TOM1L1: variants seen among roughly 807,000 people sequenced by gnomAD.
TOM1L1 encodes target of myb1 like 1 membrane trafficking protein.
A neutral mutation model predicts 63.4 loss-of-function variants in TOM1L1; 64 were observed. The ratio of observed to expected loss-of-function variants is 1.01; its 90% CI spans 0.83 to 1.24. The LOEUF (loss-of-function observed/expected upper bound fraction) is 1.24. Ranked by LOEUF, TOM1L1 falls within the 50% of genes most tolerant of loss-of-function variation. The pLI is 0.00. For missense variants in TOM1L1, 536 were observed against 567.0 expected (o/e 0.95, Z 0.55); for synonymous variants, 166 against 194.4 (o/e 0.85, Z 1.22).
intron 7 of TOM1L1, among the ~76,000 whole-genome samples, chr17:54,917,664 C>T (rs1283318401): frequency 6.6e-6 from 1 of 151,990 alleles, no homozygotes; most frequent in East Asian, 1.9e-4. Context: ...TTTGCATTCT[C>T]CAGTGTTCAG....
intron 1 of TOM1L1, among the ~76,000 whole-genome samples, chr17:54,902,200 C>T (rs772051103): frequency 3.9e-5 from 6 of 152,276 alleles, no homozygotes; most frequent in South Asian, 4.1e-4. Flanking sequence ...ATGAATTCTG[C>T]GTGGCTTTTG....
intron 8 of TOM1L1, among the ~76,000 whole-genome samples, chr17:54,931,887 C>T (rs559264889): frequency 1.3e-5 from 2 of 152,048 alleles, no homozygotes; most frequent in South Asian, 2.1e-4. Flanking sequence ...AGAAGGGCAT[C>T]GACTGAAGAT....
At chr17:54,930,982 G>GT (rs1191090924) in intron 8 of TOM1L1, among the ~76,000 whole-genome samples, 6 of 152,224 alleles carry the variant, frequency 3.9e-5, no homozygotes, top group Non-Finnish European at 7.4e-5. Flanking sequence ...TGAGGCTGTG[G>GT]TGAGCTATGA....
chr17:54,961,136 G>A, intron 15 of TOM1L1, 99 bp from the exon 16 acceptor site: 1 of 849,208 alleles, frequency 1.2e-6, no homozygotes, highest in East Asian at 2.6e-5. Flanking sequence ...CTACTAGACT[G>A]TGACTCTCCA....
At chr17:54,901,245 G>T in intron 1 of TOM1L1, 1 of 414,040 alleles carries the variant, frequency 2.4e-6, no homozygotes, top group Non-Finnish European at 4.4e-6. Context: ...GAAACTTCTC[G>T]GTAGGGGAAG....
At chr17:54,936,967 C>A in intron 9 of TOM1L1, 142 bp from the exon 10 acceptor site, 1 of 742,566 alleles carries the variant, frequency 1.3e-6, no homozygotes, top group Non-Finnish European at 2.3e-6. Context: ...AGATGGGATT[C>A]ATACTAATGT....
chr17:54,958,846 T>C (rs1052376080), intron 14 of TOM1L1, among the ~76,000 whole-genome samples: 1 of 150,792 alleles, frequency 6.6e-6, no homozygotes. Context: ...TGGGAGATGC[T>C]GGAGAATCTG....
intron 14 of TOM1L1, chr17:54,956,957 T>G (rs1265647106): frequency 6.6e-6 from 1 of 152,156 alleles, no homozygotes; most frequent in Non-Finnish European, 1.5e-5. Flanking sequence ...AGCTATAGCA[T>G]CTCCCAGGGT....
intron 3 of TOM1L1, among the ~76,000 whole-genome samples, chr17:54,907,687 GATGTGTAGATGTACCCTCAAATATAGT>G (rs2048434440): frequency 6.6e-6 from 1 of 152,158 alleles, no homozygotes; most frequent in African/African-American, 2.4e-5. Context: ...GGAGTAGAAA[GATGTGTAGATGTACCCTCAAATATAGT>G]ATATCTGGGA....
chr17:54,949,760 A>G, intron 13 of TOM1L1, 137 bp downstream of exon 13: 1 of 760,690 alleles, frequency 1.3e-6, no homozygotes, highest in Non-Finnish European at 2.2e-6. Flanking sequence ...AAACAAATTC[A>G]GGGCAGATAC....
At chr17:54,938,831 C>CTTTTTTTTTTTTTTTTTTT in intron 10 of TOM1L1, 93 bp from the exon 11 acceptor site, 1 of 577,538 alleles carries the variant, frequency 1.7e-6, no homozygotes. Context: ...TTTTCTTTTT[C>CTTTTTTTTTTTTTTTTTTT]TTTTTTCTTT....
At position 54,904,548 on chromosome 17, in the gene TOM1L1, T is replaced by C. The variant is rs73992839; in HGVS notation, c.143+756T>C. Among the ~76,000 whole-genome samples the C allele has an allele frequency of 8.4e-3, 1,279 of 152,328 alleles. 15 individuals carry two copies. The highest frequency in any genetic ancestry group is 0.029 in the African/African-American group (1,201 of 41,574). ...TAGTAACCAGGAAACAATCTAGCAG[T>C]CTTTTTTCCTCCCTGTCCCAGGACA... On this transcript the variant is annotated intron_variant, in intron 2 of 15. Coordinates refer to ENST00000575882, the MANE Select transcript of TOM1L1 (RefSeq NM_005486.3).
intron 14 of TOM1L1, among the ~76,000 whole-genome samples, chr17:54,959,025 GAA>G (rs2077037216): frequency 6.6e-6 from 1 of 152,152 alleles, no homozygotes; most frequent in Non-Finnish European, 1.5e-5. Context: ...GGAAAATGAG[GAA>G]GTTTCCATAT....
intron 3 of TOM1L1, among the ~76,000 whole-genome samples, chr17:54,905,832 G>T (rs531427048): frequency 6.6e-6 from 1 of 152,238 alleles, no homozygotes; most frequent in South Asian, 2.1e-4. Context: ...CAGGAGATAG[G>T]AATTAGTGGT....
At chr17:54,948,768 A>G (rs995022623) in intron 12 of TOM1L1, among the ~76,000 whole-genome samples, 2 of 152,252 alleles carry the variant, frequency 1.3e-5, no homozygotes, top group South Asian at 4.1e-4. Context: ...TTGTGGAGTG[A>G]ATAAGGAAAA....
At chr17:54,959,953 T>C (rs1014654285) in intron 14 of TOM1L1, among the ~76,000 whole-genome samples, 2 of 152,044 alleles carry the variant, frequency 1.3e-5, no homozygotes, top group Admixed American at 6.6e-5. Context: ...CAGAAGAAAC[T>C]GAGGAGTTTT....
rs368260074 is a variant in TOM1L1 at position 54,945,045 on chromosome 17, A to G, written c.1131-2216A>G. ...GCAGAGTCACACTCCCTCCACAACT[A>G]TTACGGGGACATCTGTTCCCTGCCT... is the stretch of plus-strand genomic sequence containing the variant. On this transcript the variant is annotated intron_variant, in intron 11 of 15. Transcript: ENST00000575882. Among the ~76,000 whole-genome samples the G allele has an allele frequency of 5.3e-5, 8 of 152,270 alleles. No homozygotes were observed. In the East Asian group the frequency reaches 5.8e-4, roughly 11 times the overall value.
intron 11 of TOM1L1, among the ~76,000 whole-genome samples, chr17:54,946,423 C>G (rs1228336967): frequency 6.6e-6 from 1 of 152,112 alleles, no homozygotes; most frequent in Non-Finnish European, 1.5e-5. Context: ...TTATGTCTGA[C>G]TAAATGGCAG....
At chr17:54,941,970 G>A (rs2049038110) in intron 11 of TOM1L1, among the ~76,000 whole-genome samples, 1 of 152,162 alleles carries the variant, frequency 6.6e-6, no homozygotes, top group Non-Finnish European at 1.5e-5. Context: ...GTCTTATAAT[G>A]TTGAGATTTT....
Sources: gnomAD v4.1 joint callset for allele counts (sites outside exome capture counted in the v4.1 genomes callset) on GRCh38, gnomAD v4.1.1 for gene constraint, MANE v1.5 for transcripts, NCBI Gene and HGNC (gene_info 2026-07-23, HGNC 2026-07-21) for gene names.